GHR: variants seen among roughly 807,000 people sequenced by gnomAD.
The protein encoded by GHR is GH receptor.
GHR carries 35 observed loss-of-function variants against 67.1 expected under a neutral mutation model. The observed-to-expected ratio is 0.52, with a 90% CI of 0.40 to 0.69. The LOEUF is 0.69. Among genes scored for constraint, GHR ranks in the 30% least tolerant of loss-of-function variants. The pLI, the probability that GHR is intolerant of heterozygous loss-of-function variation, is 0.00. For missense variants in GHR, 792 were observed against 764.6 expected, an observed-to-expected ratio of 1.04 and a Z score of -0.42; for synonymous variants, 272 against 269.1, an observed-to-expected ratio of 1.01 and a Z score of -0.10.
At chr5:42,680,307 A>G (rs1756794471) in intron 3 of GHR, among the ~76,000 whole-genome samples, 1 of 152,172 alleles carries the variant, frequency 6.6e-6, no homozygotes, top group African/African-American at 2.4e-5. Context: ...CTTTATCCAG[A>G]TCAGGGTGAC....
At chr5:42,593,482 C>T (rs1021218435) in intron 2 of GHR, among the ~76,000 whole-genome samples, 2 of 152,148 alleles carry the variant, frequency 1.3e-5, no homozygotes, top group African/African-American at 2.4e-5. Context: ...TATTCAAGGT[C>T]CCTGTGCTGA....
chr5:42,650,278 A>G (rs1754950863), intron 3 of GHR, among the ~76,000 whole-genome samples: 1 of 152,122 alleles, frequency 6.6e-6, no homozygotes, highest in South Asian at 2.1e-4. Context: ...AAATGCTTGC[A>G]TTATATTCAC....
At chr5:42,704,085 A>G in intron 6 of GHR, among the ~76,000 whole-genome samples, 1 of 152,084 alleles carries the variant, frequency 6.6e-6, no homozygotes, top group East Asian at 1.9e-4. Flanking sequence ...AGTAGAATAG[A>G]GTAGAGGAGT....
intron 1 of GHR, among the ~76,000 whole-genome samples, chr5:42,562,644 C>CTTTTTTTTT (rs1212633265): frequency 2.6e-5 from 2 of 77,750 alleles, no homozygotes; most frequent in Admixed American, 1.6e-4. Context: ...GTTATAGTTC[C>CTTTTTTTTT]TTTTTTTTTT....
intron 2 of GHR, among the ~76,000 whole-genome samples, chr5:42,577,309 G>T (rs1473743755): frequency 6.6e-6 from 1 of 152,172 alleles, no homozygotes; most frequent in East Asian, 1.9e-4. Flanking sequence ...TTTCTTCCTG[G>T]TCTATGCCCT....
intron 1 of GHR, among the ~76,000 whole-genome samples, chr5:42,505,062 G>C (rs1032002671): frequency 6.6e-6 from 1 of 151,410 alleles, no homozygotes; most frequent in Non-Finnish European, 1.5e-5. Context: ...TTAACTACGT[G>C]CCTCTTAGGC....
intron 3 of GHR, among the ~76,000 whole-genome samples, chr5:42,665,449 A>G (rs1247496444): frequency 2.0e-5 from 3 of 152,094 alleles, no homozygotes; most frequent in Admixed American, 2.0e-4. Context: ...CTTTGTAGGG[A>G]CATGGATGAA....
intron 2 of GHR, among the ~76,000 whole-genome samples, chr5:42,566,822 A>G (rs1183598968): frequency 6.6e-6 from 1 of 152,206 alleles, no homozygotes; most frequent in African/African-American, 2.4e-5. Context: ...CTCATGTTGG[A>G]AAACACAGTT....
At chr5:42,471,434 C>A (rs1489995223) in intron 1 of GHR, among the ~76,000 whole-genome samples, 1 of 152,180 alleles carries the variant, frequency 6.6e-6, no homozygotes, top group East Asian at 1.9e-4. Context: ...TTTTGATGTA[C>A]TAACATATAC....
chr5:42,533,844 C>T (rs904473881), intron 1 of GHR, among the ~76,000 whole-genome samples: 1 of 151,422 alleles, frequency 6.6e-6, no homozygotes, highest in East Asian at 1.9e-4. Context: ...ACCCTTCCCC[C>T]AAAGTCCCCA....
At chr5:42,657,832 G>C (rs1326645117) in intron 3 of GHR, among the ~76,000 whole-genome samples, 1 of 152,080 alleles carries the variant, frequency 6.6e-6, no homozygotes, top group Non-Finnish European at 1.5e-5. Flanking sequence ...TGTTGGCCAG[G>C]CTGGCCTCAA....
chr5:42,599,071 TA>T (rs954423356), intron 2 of GHR, among the ~76,000 whole-genome samples: 1 of 152,234 alleles, frequency 6.6e-6, no homozygotes, highest in Non-Finnish European at 1.5e-5. Context: ...AAAAAAAGTA[TA>T]AAGTTGAAAT....
intron 2 of GHR, among the ~76,000 whole-genome samples, chr5:42,617,572 C>G (rs914082172): frequency 6.6e-6 from 1 of 152,084 alleles, no homozygotes; most frequent in African/African-American, 2.4e-5. Context: ...CTCCCCATTT[C>G]CCCCCTCACC....
chr5:42,451,919 A>G (rs1163159687), intron 1 of GHR, among the ~76,000 whole-genome samples: 1 of 152,134 alleles, frequency 6.6e-6, no homozygotes, highest in Non-Finnish European at 1.5e-5. Flanking sequence ...GTTAGTATTG[A>G]CATATAAGGT....
intron 2 of GHR, among the ~76,000 whole-genome samples, chr5:42,609,658 T>G (rs1752792750): frequency 6.6e-6 from 1 of 152,160 alleles, no homozygotes; most frequent in Admixed American, 6.5e-5. Context: ...ACACAACCAG[T>G]TCTAGATCAC....
intron 3 of GHR, among the ~76,000 whole-genome samples, chr5:42,686,165 G>A (rs530881006): frequency 1.8e-4 from 28 of 152,266 alleles, no homozygotes; most frequent in Admixed American, 1.6e-3. Flanking sequence ...CGTATGGCTA[G>A]CCAGTTTTCC....
chr5:42,661,470 A>C (rs1429332818), intron 3 of GHR, among the ~76,000 whole-genome samples: 1 of 152,336 alleles, frequency 6.6e-6, no homozygotes, highest in East Asian at 1.9e-4. Flanking sequence ...AAAGAAAAGA[A>C]TTTTCAACCC....
chr5:42,688,378 G>C (rs1160560610), intron 3 of GHR, among the ~76,000 whole-genome samples: 2 of 152,170 alleles, frequency 1.3e-5, no homozygotes, highest in Non-Finnish European at 2.9e-5. Flanking sequence ...GTGAGTACTG[G>C]GAGCGGTAGA....
intron 1 of GHR, among the ~76,000 whole-genome samples, chr5:42,434,743 A>G (rs1453626184): frequency 6.6e-6 from 1 of 152,214 alleles, no homozygotes; most frequent in East Asian, 1.9e-4. Flanking sequence ...GTGAATTGAG[A>G]TAACTGGTAC....
Sources: gnomAD v4.1 joint callset for allele counts (sites outside exome capture counted in the v4.1 genomes callset) on GRCh38, gnomAD v4.1.1 for gene constraint, MANE v1.5 for transcripts, NCBI Gene and HGNC (gene_info 2026-07-23, HGNC 2026-07-21) for gene names.